Variants in WDR47 observed in about 807,000 individuals in gnomAD.
WDR47 encodes WD repeat domain 47.
Under a neutral mutation model 97.2 loss-of-function variants are expected in WDR47, and 32 were observed. That is an observed-to-expected ratio of 0.33 (90% CI 0.25 to 0.44). The LOEUF (loss-of-function observed/expected upper bound fraction) is 0.44, where lower values mean the gene tolerates loss of function less well. Ranked by LOEUF, WDR47 falls within the 20% of genes least tolerant of loss-of-function variation. The probability of loss-of-function intolerance (pLI) is 1.00; values close to 1 mark genes in which losing one functional copy is unlikely to be tolerated. For synonymous variants in WDR47, 375 were observed against 373.5 expected (o/e 1.00, Z -0.05); for missense variants, 782 against 1,102.3 (o/e 0.71, Z 4.11).
chr1:109,004,926 G>C (rs1660483449), intron 5 of WDR47, among the ~76,000 whole-genome samples: 1 of 152,004 alleles, frequency 6.6e-6, no homozygotes, highest in Non-Finnish European at 1.5e-5. Context: ...GAGCAGTTGG[G>C]ATTACAAGTG....
At chr1:108,975,308 A>G (rs1319881636) in intron 13 of WDR47, among the ~76,000 whole-genome samples, 4 of 151,576 alleles carry the variant, frequency 2.6e-5, no homozygotes, top group African/African-American at 9.7e-5. Flanking sequence ...ATAAATTATT[A>G]TAATTAATAA....
rs186134806 is a variant in WDR47, at chr1:109,007,926, A to T, written c.1130+2990T>A. 4.1e-4 allele frequency among the ~76,000 whole-genome samples: 63 copies of T among 151,994 alleles called. 1 individual carries two copies. Among genetic ancestry groups the T allele is most frequent in the South Asian group, 3.9e-3 (19 of 4,820 alleles). On this transcript the variant is annotated intron_variant, in intron 5 of 14. Transcript: ENST00000369962. ...AGACCAGCCTGGCCAAGATGGTGAA[A>T]CCCCGGCTCTACTAAAAATACAAAA...
chr1:109,011,016 A>AGT lies in WDR47; in HGVS notation c.1028_1029dup (p.Ser344ThrfsTer98). 6.2e-7 allele frequency: 1 copy of AGT among 1,614,146 alleles called. No homozygotes were observed. Among genetic ancestry groups the AGT allele is most frequent in the East Asian group, 2.2e-5 (1 of 44,876 alleles). On this transcript the variant is annotated frameshift_variant, in exon 5 of 15. Coordinates refer to ENST00000369962, the MANE Select transcript of WDR47 (RefSeq NM_001142551.2). LOFTEE classifies it high-confidence loss of function. ...CCTGGATAATGGAAGTTAGCAAAGGAGTGTGACATTGGAGAAGTTTTGTTT... is the reference window on the plus strand; with the variant it reads ...CCTGGATAATGGAAGTTAGCAAAGGAGTGTGTGACATTGGAGAAGTTTTGTTT...
chr1:109,036,469 A>C (rs1370002271), intron 1 of WDR47, among the ~76,000 whole-genome samples: 1 of 146,932 alleles, frequency 6.8e-6, no homozygotes, highest in Non-Finnish European at 1.5e-5. Context: ...GAGGAGGTGA[A>C]GGTTGCAGTG....
At position 109,032,175 on chromosome 1, in the gene WDR47, A is replaced by G. The variant is rs1476587512; in HGVS notation, c.-9-8654T>C. Among the ~76,000 whole-genome samples the G allele has an allele frequency of 1.4e-5, 2 of 139,116 alleles. 1 individual carries two copies. The highest frequency in any genetic ancestry group is 5.2e-5 in the African/African-American group (2 of 38,754). The allele number at this position is 139,116 out of a possible 152,430, so 91.3% of individuals were successfully genotyped here. On this transcript the variant is annotated intron_variant, in intron 1 of 14. Transcript: ENST00000369962. ...ATTCAAACCCAGAAATTTTTAAACA[A>G]GTATGTTTAAAATTACTGAAGTACT...
chr1:109,005,175 G>A (rs571811558), intron 5 of WDR47, among the ~76,000 whole-genome samples: 13 of 152,280 alleles, frequency 8.5e-5, no homozygotes, highest in African/African-American at 3.1e-4. Context: ...GCCAAGGCAG[G>A]CAGCTCGCTT....
intron 6 of WDR47, 81 bp from the exon 7 acceptor site, chr1:109,002,483 G>A: frequency 1.1e-5 from 12 of 1,095,676 alleles, no homozygotes; most frequent in Non-Finnish European, 1.5e-5. Flanking sequence ...TATAAATGCT[G>A]AATAAAATAT....
At chr1:108,999,228 C>CA (rs35631324) in intron 7 of WDR47, among the ~76,000 whole-genome samples, 10,569 of 120,694 alleles carry the variant, frequency 0.088, 456 homozygotes, top group Middle Eastern at 0.16. Context: ...ACTCTGTCCC[C>CA]AAAAAAAAAA....
chr1:108,971,228 C>T lies in WDR47; in HGVS notation c.*202G>A. Reference sequence around the variant, plus strand: ...CGAGACTACATATAGCAGGTCACAGCAGCACGAGCTCACATGGAAGACTGA... The same window carrying T: ...CGAGACTACATATAGCAGGTCACAGTAGCACGAGCTCACATGGAAGACTGA... On this transcript the variant is annotated 3_prime_UTR_variant, in exon 15 of 15. Transcript: ENST00000369962. 1 of 634,228 alleles carries T rather than the reference C, an allele frequency of 1.6e-6. No homozygotes were observed. Among genetic ancestry groups the T allele is most frequent in the Non-Finnish European group, 2.6e-6 (1 of 385,582 alleles). 39.3% of individuals were successfully genotyped at this position (634,228 alleles called of 1,614,324 possible). A position where few individuals can be genotyped will look rare whatever the true frequency, so the allele number is the denominator to read the frequency against.
intron 11 of WDR47, among the ~76,000 whole-genome samples, 186 bp from the exon 12 acceptor site, chr1:108,982,965 G>C (rs998864795): frequency 2.3e-4 from 35 of 152,108 alleles, no homozygotes; most frequent in African/African-American, 8.2e-4. Flanking sequence ...CAAAATAGCT[G>C]TTACCACAGG....
At chr1:108,987,405 C>T (rs963907600) in intron 9 of WDR47, among the ~76,000 whole-genome samples, 3 of 152,146 alleles carry the variant, frequency 2.0e-5, no homozygotes, top group African/African-American at 4.8e-5. Context: ...CTGCCCACCA[C>T]GGCCTCTCAA....
intron 5 of WDR47, among the ~76,000 whole-genome samples, chr1:109,008,289 G>C (rs1432741046): frequency 6.6e-6 from 1 of 150,948 alleles, no homozygotes. Flanking sequence ...TTTTTGGAGT[G>C]AGATGGAGTC....
chr1:109,020,450 C>T (rs1317231263), intron 2 of WDR47, among the ~76,000 whole-genome samples: 1 of 151,724 alleles, frequency 6.6e-6, no homozygotes, highest in African/African-American at 2.4e-5. Flanking sequence ...TTAGTAGAGA[C>T]GGGGGGTTTC....
intron 1 of WDR47, among the ~76,000 whole-genome samples, chr1:109,031,717 C>G (rs1253592963): frequency 7.3e-6 from 1 of 137,590 alleles, no homozygotes; most frequent in Non-Finnish European, 1.6e-5. Flanking sequence ...AATAATATTT[C>G]AAAGGAATTT....
intron 1 of WDR47, among the ~76,000 whole-genome samples, chr1:109,024,680 TG>T (rs1662077494): frequency 6.6e-6 from 1 of 152,182 alleles, no homozygotes; most frequent in Non-Finnish European, 1.5e-5. Flanking sequence ...TGGCCTAAAC[TG>T]TTACAGTTTT....
At chr1:109,003,772 T>C (rs1660379463) in intron 6 of WDR47, among the ~76,000 whole-genome samples, 1 of 152,162 alleles carries the variant, frequency 6.6e-6, no homozygotes, top group Non-Finnish European at 1.5e-5. Flanking sequence ...CCCAAAGTGC[T>C]AGGACTACAG....
intron 3 of WDR47, among the ~76,000 whole-genome samples, chr1:109,015,230 A>G (rs1273157890): frequency 6.6e-6 from 1 of 152,230 alleles, no homozygotes; most frequent in African/African-American, 2.4e-5. Flanking sequence ...TCTGATAGTG[A>G]TAGAGTAACT....
At chr1:108,986,181 G>T (rs1218846204) in intron 10 of WDR47, among the ~76,000 whole-genome samples, 1 of 151,876 alleles carries the variant, frequency 6.6e-6, no homozygotes, top group Non-Finnish European at 1.5e-5. Flanking sequence ...AATCCACTGG[G>T]GTTCTTAAAT....
chr1:108,979,165 T>A lies in WDR47; in HGVS notation c.2398+2568A>T, dbSNP rs116675177. 6.2e-3 allele frequency among the ~76,000 whole-genome samples: 938 copies of A among 152,190 alleles called. 2 individuals are homozygous for A. The highest frequency in any genetic ancestry group is 0.021 in the African/African-American group (865 of 41,522). On this transcript the variant is annotated intron_variant, in intron 13 of 14. Transcript: ENST00000369962. ...GTCTCTGAAATGGAGAAAAGTGGCC[T>A]GAAAATAATGTAGAAAGCTAGAGTT...
Sources: allele counts gnomAD v4.1 joint callset (sites outside exome capture counted in the v4.1 genomes callset), GRCh38; gene constraint gnomAD v4.1.1; transcripts MANE v1.5; gene names NCBI Gene and HGNC (gene_info 2026-07-23, HGNC 2026-07-21).